SEC24A: variants seen among roughly 807,000 people sequenced by gnomAD.
The protein encoded by SEC24A is SEC24 homolog A, COPII component.
In SEC24A, 93 loss-of-function variants were observed where a neutral mutation model predicts 129.4. That is an observed-to-expected ratio of 0.72 (90% confidence interval 0.61 to 0.85). SEC24A has a LOEUF of 0.85. SEC24A is among the 40% of genes least tolerant of loss of function. The probability of loss-of-function intolerance (pLI) is 0.00; values close to 1 mark genes in which losing one functional copy is unlikely to be tolerated. For synonymous variants in SEC24A, 460 were observed against 467.3 expected (o/e 0.98, Z 0.20); for missense variants, 1,264 against 1,307.4 (o/e 0.97, Z 0.51).
chr5:134,699,953 G>A (rs1269847122), intron 15 of SEC24A, among the ~76,000 whole-genome samples: 1 of 151,640 alleles, frequency 6.6e-6, no homozygotes, highest in East Asian at 1.9e-4. Context: ...CGCCTACCTT[G>A]GCCTCCCTAA....
intron 17 of SEC24A, among the ~76,000 whole-genome samples, chr5:134,706,391 C>T (rs1752161219): frequency 6.6e-6 from 1 of 152,166 alleles, no homozygotes; most frequent in South Asian, 2.1e-4. Context: ...ATCTCAGATA[C>T]AATTGTCCTC....
rs1047419468 is a variant in SEC24A, at chr5:134,725,786, G to T, written c.*692G>T. On this transcript the variant is annotated 3_prime_UTR_variant, in exon 23 of 23. Transcript: ENST00000398844. Reference sequence around the variant, plus strand: ...TTAGGTGGTTTTCTGATTTCCTGATGAAGAGTTGGACATACTGTCTTAATC... The same window carrying T: ...TTAGGTGGTTTTCTGATTTCCTGATTAAGAGTTGGACATACTGTCTTAATC... The T allele has an allele frequency of 8.5e-5, 13 of 152,484 alleles. No homozygotes were observed. Among genetic ancestry groups the T allele is most frequent in the Non-Finnish European group, 2.9e-5 (2 of 67,966 alleles). The allele number at this position is 152,484 out of a possible 1,614,324, so 9.4% of individuals were successfully genotyped here.
intron 21 of SEC24A, among the ~76,000 whole-genome samples, chr5:134,723,320 C>G (rs1752673524): frequency 6.6e-6 from 1 of 152,076 alleles, no homozygotes; most frequent in Non-Finnish European, 1.5e-5. Context: ...TAAAAATTAG[C>G]CAGGCATGGT....
intron 1 of SEC24A, among the ~76,000 whole-genome samples, chr5:134,650,925 T>A (rs1394619564): frequency 6.6e-6 from 1 of 151,238 alleles, no homozygotes; most frequent in Non-Finnish European, 1.5e-5. Context: ...CAGGCACGTG[T>A]CACCACACCC....
At chr5:134,685,014 A>G (rs766167765) in intron 9 of SEC24A, among the ~76,000 whole-genome samples, 37 of 152,206 alleles carry the variant, frequency 2.4e-4, no homozygotes, top group Admixed American at 9.8e-4. Context: ...CTCTGTATCC[A>G]TGAGTTCTGC....
chr5:134,685,757 C>A (rs1036704484), intron 9 of SEC24A, among the ~76,000 whole-genome samples: 1 of 152,028 alleles, frequency 6.6e-6, no homozygotes, highest in Non-Finnish European at 1.5e-5. Flanking sequence ...GCAGCGAAGG[C>A]GGGCGGATCA....
At position 134,693,852 on chromosome 5, in the gene SEC24A, T is replaced by G; in HGVS notation, c.1905T>G (p.Ser635=). Residue 635 remains serine (S), a synonymous_variant, in exon 13 of 23, where the codon TCT becomes TCG. Coordinates refer to ENST00000398844, the MANE Select transcript of SEC24A (RefSeq NM_021982.3). ...KLMSPTGGRM[S]VFQTQLPTLG... The stretch of plus-strand genomic sequence containing the variant: ...TGTCTCCAACTGGTGGTCGAATGTC[T>G]GTCTTTCAAACACAACTCCCAACTC... 6.2e-7 allele frequency: 1 copy of G among 1,614,160 alleles called. No individual in the cohort carries two copies. The highest frequency in any genetic ancestry group is 2.2e-5 in the East Asian group (1 of 44,874).
intron 1 of SEC24A, among the ~76,000 whole-genome samples, chr5:134,650,498 T>C (rs1750009218): frequency 6.6e-6 from 1 of 152,164 alleles, no homozygotes; most frequent in South Asian, 2.1e-4. Flanking sequence ...ACTGTCACTA[T>C]GTTGATTTGA....
intron 18 of SEC24A, among the ~76,000 whole-genome samples, chr5:134,710,887 A>G (rs1752308191): frequency 6.6e-6 from 1 of 152,012 alleles, no homozygotes; most frequent in African/African-American, 2.4e-5. Flanking sequence ...TGTAATCCCA[A>G]CACTTTGGGA....
chr5:134,724,925 C>T, intron 22 of SEC24A, 55 bp from the exon 23 acceptor site: 2 of 841,468 alleles, frequency 2.4e-6, no homozygotes, highest in South Asian at 2.8e-5. Context: ...AGCCTTCTGA[C>T]AAGTCTATTT....
chr5:134,661,196 C>T lies in SEC24A; in HGVS notation c.175C>T (p.Pro59Ser). ...CAATTTCCAGCTTCCAGGATCCTAC[C>T]CTCATCCAATACCAGCAAAGACTTT... Reference protein sequence around the residue: ...GYNFQLPGSYPHPIPAKTLNP... With the variant: ...GYNFQLPGSYSHPIPAKTLNP... The change falls in exon 2 of 23, where the codon CCT (proline) becomes TCT (serine). Residue 59 changes from proline (P) to serine (S), a missense_variant. Physicochemically the swap from Pro to Ser is moderately conservative, Grantham distance 74. Transcript: ENST00000398844. 3 of 1,614,090 alleles carry T rather than the reference C, an allele frequency of 1.9e-6. No homozygotes were observed. Among genetic ancestry groups the T allele is most frequent in the Non-Finnish European group, 2.5e-6 (3 of 1,180,014 alleles).
chr5:134,680,046 G>T (rs1751211570), intron 8 of SEC24A, among the ~76,000 whole-genome samples: 1 of 152,046 alleles, frequency 6.6e-6, no homozygotes, highest in Admixed American at 6.6e-5. Context: ...TTTAGAAATT[G>T]TCCCACGCCT....
chr5:134,662,959 C>T (rs1750524569), intron 2 of SEC24A, among the ~76,000 whole-genome samples: 1 of 152,052 alleles, frequency 6.6e-6, no homozygotes, highest in Non-Finnish European at 1.5e-5. Context: ...GATTGTGCCA[C>T]TGCGCTCCGG....
In SEC24A at chr5:134,653,884, G is replaced by A. The variant is rs151165612; in HGVS notation, c.97+4711G>A. Among the ~76,000 whole-genome samples the A allele has an allele frequency of 9.5e-4, 145 of 152,124 alleles. 1 individual carries two copies. The highest frequency in any genetic ancestry group is 2.9e-3 in the African/African-American group (119 of 41,512). On this transcript the variant is annotated intron_variant, in intron 1 of 22. Transcript: ENST00000398844. ...TCAAAAATAAATAAATAGGCCGGGT[G>A]CAGTGGCTCACACCTGTAATCCCAG...
intron 3 of SEC24A, among the ~76,000 whole-genome samples, chr5:134,670,660 C>T (rs1164058702): frequency 2.6e-5 from 4 of 152,146 alleles, no homozygotes; most frequent in African/African-American, 9.7e-5. Context: ...ATGTCATCTT[C>T]AAATTAATTT....
At chr5:134,697,047 A>T in intron 13 of SEC24A, 79 bp from the exon 14 acceptor site, 1 of 754,094 alleles carries the variant, frequency 1.3e-6, no homozygotes, top group Non-Finnish European at 2.1e-6. Context: ...TAACATCATG[A>T]TGTATGTAGA....
chr5:134,720,654 G>C (rs1178252016), intron 20 of SEC24A, among the ~76,000 whole-genome samples: 8 of 152,148 alleles, frequency 5.3e-5, no homozygotes, highest in Non-Finnish European at 1.0e-4. Flanking sequence ...TGTAATCCCA[G>C]CACTTTGGGA....
chr5:134,661,463 C>CA lies in SEC24A; in HGVS notation c.445dup (p.Thr149AsnfsTer36). ...ATATAACTATCCATCCACAGCCTCA[C>CA]AAACAAACCATTGTCCTCGTGCATC... On this transcript the variant is annotated frameshift_variant, in exon 2 of 23. Transcript: ENST00000398844. LOFTEE classifies it high-confidence loss of function. 1 of 1,614,214 alleles carries CA rather than the reference C, an allele frequency of 6.2e-7. No homozygotes were observed. Among genetic ancestry groups the CA allele is most frequent in the South Asian group, 1.1e-5 (1 of 91,084 alleles).
intron 8 of SEC24A, among the ~76,000 whole-genome samples, chr5:134,681,977 C>T (rs1235406705): frequency 6.6e-6 from 1 of 152,124 alleles, no homozygotes; most frequent in African/African-American, 2.4e-5. Context: ...TGTGGTGGCT[C>T]ACATCTGTAA....
Sources: gnomAD v4.1 joint callset for allele counts (sites outside exome capture counted in the v4.1 genomes callset) on GRCh38, gnomAD v4.1.1 for gene constraint, MANE v1.5 for transcripts, NCBI Gene and HGNC (gene_info 2026-07-23, HGNC 2026-07-21) for gene names.